The following ESRRB variants were observed in gnomAD, a reference collection of about 807,000 sequenced individuals.
ESRRB encodes estrogen related receptor beta, also known as steroid hormone receptor ERR2.
In ESRRB, 16 loss-of-function variants were observed where a neutral mutation model predicts 46.0. That is an observed-to-expected ratio of 0.35 (90% confidence interval 0.24 to 0.53). ESRRB has a LOEUF of 0.53. Among genes scored for constraint, ESRRB ranks in the 20% least tolerant of loss-of-function variants. ESRRB has a pLI of 0.93. For synonymous variants in ESRRB, 246 were observed against 259.6 expected (o/e 0.95, Z 0.50); for missense variants, 488 against 607.4 (o/e 0.80, Z 2.07).
At chr14:76,322,850 G>A (rs1196844212) in intron 1 of ESRRB, among the ~76,000 whole-genome samples, 2 of 152,154 alleles carry the variant, frequency 1.3e-5, no homozygotes, top group Non-Finnish European at 2.9e-5. Context: ...CTTGGCTCTT[G>A]GGATGCTAAT....
At chr14:76,360,043 G>T (rs1281692389) in intron 1 of ESRRB, among the ~76,000 whole-genome samples, 1 of 152,132 alleles carries the variant, frequency 6.6e-6, no homozygotes, top group South Asian at 2.1e-4. Flanking sequence ...TAAGGCTAAA[G>T]TCAGGTTGCC....
At chr14:76,495,442 C>G (rs1208245740) in intron 6 of ESRRB, 1 of 151,796 alleles carries the variant, frequency 6.6e-6, no homozygotes, top group Non-Finnish European at 1.5e-5. Context: ...TCCAGAGAGC[C>G]GCAGTCCTTG....
chr14:76,334,024 G>T (rs1291208611), intron 1 of ESRRB, among the ~76,000 whole-genome samples: 1 of 152,168 alleles, frequency 6.6e-6, no homozygotes, highest in East Asian at 1.9e-4. Context: ...CCTTGGAGTT[G>T]TTAGGAGAAC....
chr14:76,316,540 G>A lies in ESRRB; in HGVS notation c.2+5624G>A, dbSNP rs184000849. ...GTGCAGTGCCTGGCACATAGTATGT[G>A]TTCAGTAAACACATGCAGAGTGAAT... On this transcript the variant is annotated intron_variant, in intron 1 of 6. Transcript: ENST00000512784. Among the ~76,000 whole-genome samples, 43 of 152,270 alleles carry A rather than the reference G, an allele frequency of 2.8e-4. 1 individual carries two copies. In the East Asian group the frequency reaches 7.0e-3, roughly 25 times the overall value.
At chr14:76,369,006 G>C (rs1206290126), upstream of ESRRB, among the ~76,000 whole-genome samples, 1 of 151,988 alleles carries the variant, frequency 6.6e-6, no homozygotes, top group East Asian at 2.0e-4. Flanking sequence ...AGACCAGCCT[G>C]ACCAACATGG....
intron 1 of ESRRB, chr14:76,311,059 C>T: frequency 2.6e-6 from 1 of 384,056 alleles, no homozygotes; most frequent in Non-Finnish European, 5.2e-6. Flanking sequence ...TTCTTTCATC[C>T]TGGTTTTCCG....
chr14:76,485,233 ATTTTT>A (rs34504939), intron 5 of ESRRB, among the ~76,000 whole-genome samples: 2 of 91,858 alleles, frequency 2.2e-5, no homozygotes, highest in African/African-American at 4.2e-5. Context: ...CAAATGCCTG[ATTTTT>A]TTTTTTTTTT....
rs888646792 is a variant in ESRRB at position 76,376,932 on chromosome 14, C to CCG, written c.50+484_50+485dup. On this transcript the variant is annotated intron_variant, in intron 1 of 6. Transcript: ENST00000644823. This position sits in a 1 kb window ranked among gnomAD's most constrained non-coding sequence, Gnocchi z 4.1. ...GGCAAGAGAGAGAAAATCGAACGTG[C>CCG]CGCGGCGGTTTGGAAACTGCAGGCG... is the stretch of plus-strand genomic sequence containing the variant. 1.3e-5 allele frequency among the ~76,000 whole-genome samples: 2 copies of CCG among 152,192 alleles called. No homozygotes were observed. Among genetic ancestry groups the CCG allele is most frequent in the African/African-American group, 4.8e-5 (2 of 41,452 alleles).
upstream of ESRRB, among the ~76,000 whole-genome samples, chr14:76,375,719 G>A (rs61979387): frequency 0.2 from 29,987 of 152,208 alleles, 3,677 homozygotes; most frequent in Non-Finnish European, 0.28. Context: ...TCTTTGGTGC[G>A]TGGGTGGAGA....
intron 1 of ESRRB, among the ~76,000 whole-genome samples, chr14:76,339,095 A>T (rs1376898862): frequency 6.6e-6 from 1 of 152,186 alleles, no homozygotes; most frequent in African/African-American, 2.4e-5. Flanking sequence ...AGTGATGAGT[A>T]TCATGAATTT....
At chr14:76,316,070 C>G (rs1883796478) in intron 1 of ESRRB, among the ~76,000 whole-genome samples, 2 of 152,326 alleles carry the variant, frequency 1.3e-5, no homozygotes, top group Non-Finnish European at 2.9e-5. Context: ...GCAGGCCAGA[C>G]CAGTCCTGGC....
chr14:76,492,259 G>T (rs932673501), intron 6 of ESRRB, among the ~76,000 whole-genome samples: 1 of 152,170 alleles, frequency 6.6e-6, no homozygotes, highest in African/African-American at 2.4e-5. Context: ...AAACTTTTGG[G>T]CTCAAGCCAT....
chr14:76,466,896 G>A (rs1472184399), intron 3 of ESRRB, among the ~76,000 whole-genome samples: 1 of 151,970 alleles, frequency 6.6e-6, no homozygotes, highest in Non-Finnish European at 1.5e-5. Context: ...GCTAATTTTT[G>A]TATTTTTAGT....
chr14:76,327,175 G>A (rs1192839370), intron 1 of ESRRB, among the ~76,000 whole-genome samples: 1 of 152,234 alleles, frequency 6.6e-6, no homozygotes, highest in African/African-American at 2.4e-5. Context: ...TCAACCAAGA[G>A]GCCTGGTGTC....
intron 1 of ESRRB, among the ~76,000 whole-genome samples, chr14:76,435,018 A>G (rs1338278184): frequency 6.6e-6 from 1 of 152,180 alleles, no homozygotes; most frequent in Non-Finnish European, 1.5e-5. Flanking sequence ...TCTGAGCTCC[A>G]GCCTTTTCCT....
chr14:76,381,845 C>T (rs1324094087), intron 1 of ESRRB, among the ~76,000 whole-genome samples: 2 of 152,124 alleles, frequency 1.3e-5, no homozygotes, highest in Non-Finnish European at 2.9e-5. Flanking sequence ...GAACAGAGAC[C>T]TCACCAGTTA....
chr14:76,489,291 A>G (rs760646508), intron 5 of ESRRB, among the ~76,000 whole-genome samples: 1 of 151,812 alleles, frequency 6.6e-6, no homozygotes, highest in Non-Finnish European at 1.5e-5. Flanking sequence ...GCTGATTGGT[A>G]TCTGTTAATT....
chr14:76,451,964 A>G (rs940361092), intron 2 of ESRRB, among the ~76,000 whole-genome samples: 7 of 149,152 alleles, frequency 4.7e-5, no homozygotes, highest in Admixed American at 6.7e-5. Context: ...TTTTCCCCCA[A>G]GATGGAGTCT....
At chr14:76,476,730 C>T (rs137924583) in intron 3 of ESRRB, among the ~76,000 whole-genome samples, 61 of 151,314 alleles carry the variant, frequency 4.0e-4, no homozygotes, top group Non-Finnish European at 6.6e-4. Context: ...TCAGCCATGG[C>T]GGCAGGGGCG....
Sources: allele counts gnomAD v4.1 joint callset (sites outside exome capture counted in the v4.1 genomes callset), GRCh38; gene constraint gnomAD v4.1.1; non-coding constraint Gnocchi (gnomAD v3.1); transcripts MANE v1.5; gene names NCBI Gene and HGNC (gene_info 2026-07-23, HGNC 2026-07-21).